The following CTXND1 variants were observed in gnomAD, a reference collection of about 807,000 sequenced individuals.
The protein encoded by CTXND1 is cortexin domain-containing 1 protein.
chr15:80,224,471 C>CTG (rs1893352019), intron 1 of CTXND1, among the ~76,000 whole-genome samples: 1 of 152,174 alleles, frequency 6.6e-6, no homozygotes, highest in Non-Finnish European at 1.5e-5. Flanking sequence ...GATTCTAACT[C>CTG]TATTTAAGTC....
intron 1 of CTXND1, among the ~76,000 whole-genome samples, chr15:80,223,743 G>A (rs919288925): frequency 6.6e-6 from 1 of 151,900 alleles, no homozygotes; most frequent in African/African-American, 2.4e-5. Context: ...AGCCATTCTG[G>A]GGGTAGATTG....
intron 1 of CTXND1, among the ~76,000 whole-genome samples, chr15:80,251,318 A>T (rs1416191864): frequency 6.6e-6 from 1 of 152,208 alleles, no homozygotes; most frequent in African/African-American, 2.4e-5. Flanking sequence ...CTACGCCTCC[A>T]CTGATACGGA....
intron 1 of CTXND1, among the ~76,000 whole-genome samples, chr15:80,236,688 C>G (rs1893500394): frequency 6.6e-6 from 1 of 151,164 alleles, no homozygotes; most frequent in African/African-American, 2.4e-5. Flanking sequence ...GAGGCTGAGA[C>G]AGGAGAATTA....
intron 1 of CTXND1, among the ~76,000 whole-genome samples, chr15:80,234,170 C>T (rs1179290066): frequency 2.6e-5 from 4 of 152,116 alleles, no homozygotes; most frequent in Non-Finnish European, 5.9e-5. Context: ...AAAGCCCAGC[C>T]GTCTTACTTC....
At chr15:80,220,188 T>C (rs544474674) in intron 1 of CTXND1, among the ~76,000 whole-genome samples, 18 of 152,142 alleles carry the variant, frequency 1.2e-4, no homozygotes, top group African/African-American at 4.3e-4. Flanking sequence ...TATCTATCTA[T>C]ATTAGAATTC....
At position 80,196,969 on chromosome 15, in the gene CTXND1, G is replaced by C. The variant is rs934194341; in HGVS notation, c.*4801C>G. On this transcript the variant is annotated 3_prime_UTR_variant, in exon 3 of 3. Transcript: ENST00000560778. Reference sequence around the variant, plus strand: ...GGGTGACTCCTTCTCCATGGCTATAGCTCTCCCTGGGTTCTAGATCCTTCT... The same window carrying C: ...GGGTGACTCCTTCTCCATGGCTATACCTCTCCCTGGGTTCTAGATCCTTCT... 6.6e-6 allele frequency: 1 copy of C among 152,314 alleles called. No homozygotes were observed. The highest frequency in any genetic ancestry group is 2.4e-5 in the African/African-American group (1 of 41,452). The allele number at this position is 152,314 out of a possible 1,614,324, so 9.4% of individuals were successfully genotyped here.
intron 1 of CTXND1, among the ~76,000 whole-genome samples, chr15:80,214,496 C>T (rs545465585): frequency 6.6e-6 from 1 of 151,954 alleles, no homozygotes; most frequent in South Asian, 2.1e-4. Flanking sequence ...AACAACAAAC[C>T]AACAAGCTTC....
At chr15:80,210,766 A>C (rs1013632653) in intron 1 of CTXND1, among the ~76,000 whole-genome samples, 7 of 152,204 alleles carry the variant, frequency 4.6e-5, no homozygotes, top group Admixed American at 4.6e-4. Context: ...TGGATTAAAC[A>C]GTAGAAATTT....
At chr15:80,241,068 C>T (rs1436306589) in intron 1 of CTXND1, among the ~76,000 whole-genome samples, 1 of 152,190 alleles carries the variant, frequency 6.6e-6, no homozygotes, top group African/African-American at 2.4e-5. Context: ...TCATTGCACC[C>T]TCACCTTCCC....
intron 1 of CTXND1, among the ~76,000 whole-genome samples, chr15:80,230,891 C>T (rs1893420807): frequency 1.3e-5 from 2 of 152,024 alleles, no homozygotes; most frequent in Admixed American, 1.3e-4. Flanking sequence ...AACCCCATCT[C>T]TACTAAAAAT....
chr15:80,215,862 G>C (rs779007403), intron 1 of CTXND1, among the ~76,000 whole-genome samples: 3 of 152,150 alleles, frequency 2.0e-5, no homozygotes, highest in Non-Finnish European at 2.9e-5. Context: ...GGGGAGACTG[G>C]GCTACTGAAG....
At chr15:80,225,062 C>T (rs1004253309) in intron 1 of CTXND1, among the ~76,000 whole-genome samples, 1 of 152,214 alleles carries the variant, frequency 6.6e-6, no homozygotes, top group Admixed American at 6.5e-5. Flanking sequence ...TTTCTGAATG[C>T]CTCACAATGC....
chr15:80,232,560 C>T (rs1321173130), intron 1 of CTXND1, among the ~76,000 whole-genome samples: 2 of 152,196 alleles, frequency 1.3e-5, no homozygotes, highest in Non-Finnish European at 2.9e-5. Context: ...GGAGAGTCGT[C>T]CTGGCACAAA....
At chr15:80,219,170 C>T (rs950148985) in intron 1 of CTXND1, among the ~76,000 whole-genome samples, 5 of 150,996 alleles carry the variant, frequency 3.3e-5, no homozygotes, top group Non-Finnish European at 7.4e-5. Flanking sequence ...GTCTCAAACT[C>T]CTGGGCTCAA....
At chr15:80,249,276 G>A (rs1893667576) in intron 1 of CTXND1, among the ~76,000 whole-genome samples, 1 of 152,132 alleles carries the variant, frequency 6.6e-6, no homozygotes, top group Admixed American at 6.5e-5. Flanking sequence ...CCAGTCTCAG[G>A]GGAACTCAGC....
chr15:80,244,782 C>T (rs985237681), intron 1 of CTXND1, among the ~76,000 whole-genome samples: 1 of 152,176 alleles, frequency 6.6e-6, no homozygotes, highest in Non-Finnish European at 1.5e-5. Flanking sequence ...ATCTTTCCCA[C>T]AGAGAAGGGC....
intron 1 of CTXND1, among the ~76,000 whole-genome samples, chr15:80,225,650 ATCTT>A (rs1361265309): frequency 1.3e-5 from 2 of 152,136 alleles, no homozygotes; most frequent in African/African-American, 2.4e-5. Flanking sequence ...GCTTCTATGA[ATCTT>A]TCTGTTTCAT....
chr15:80,231,899 T>G (rs958981121), intron 1 of CTXND1, among the ~76,000 whole-genome samples: 6 of 152,238 alleles, frequency 3.9e-5, no homozygotes, highest in African/African-American at 9.6e-5. Flanking sequence ...CGGTATTGTT[T>G]AAGCATGAAC....
intron 1 of CTXND1, among the ~76,000 whole-genome samples, chr15:80,240,380 C>T (rs567760977): frequency 3.7e-4 from 56 of 152,340 alleles, no homozygotes; most frequent in Admixed American, 9.1e-4. Context: ...CTCTCTACCA[C>T]TCTGTTTTCC....
Sources: allele counts gnomAD v4.1 joint callset (sites outside exome capture counted in the v4.1 genomes callset), GRCh38; gene constraint gnomAD v4.1.1; transcripts MANE v1.5; gene names NCBI Gene and HGNC (gene_info 2026-07-23, HGNC 2026-07-21).